The following SRGAP1 variants were observed in gnomAD, a reference collection of about 807,000 sequenced individuals.
The protein encoded by SRGAP1 is SLIT-ROBO Rho GTPase activating protein 1, also known as SLIT-ROBO Rho GTPase-activating protein 1.
Under a neutral mutation model 121.9 loss-of-function variants are expected in SRGAP1, and 43 were observed. The observed-to-expected ratio is 0.35, with a 90% CI of 0.28 to 0.46. The LOEUF is 0.46. Ranked by LOEUF, SRGAP1 falls within the 20% of genes least tolerant of loss-of-function variation. The probability of loss-of-function intolerance (pLI) is 1.00; values close to 1 mark genes in which losing one functional copy is unlikely to be tolerated. For synonymous variants in SRGAP1, 447 were observed against 485.4 expected (o/e 0.92, Z 1.04); for missense variants, 1,102 against 1,350.9 (o/e 0.82, Z 2.89).
intron 1 of SRGAP1, among the ~76,000 whole-genome samples, chr12:63,922,138 C>T (rs752913677): frequency 3.3e-5 from 5 of 152,014 alleles, no homozygotes; most frequent in African/African-American, 7.3e-5. Flanking sequence ...ACCACCACAC[C>T]GGGCTTATTT....
At chr12:63,940,772 T>G (rs1021204857) in intron 1 of SRGAP1, among the ~76,000 whole-genome samples, 10 of 152,204 alleles carry the variant, frequency 6.6e-5, no homozygotes, top group Admixed American at 4.6e-4. Flanking sequence ...TTATCATCGT[T>G]GGAGGCAACA....
chr12:63,883,203 AATG>A (rs1293049850), intron 1 of SRGAP1, among the ~76,000 whole-genome samples: 1 of 152,206 alleles, frequency 6.6e-6, no homozygotes, highest in Non-Finnish European at 1.5e-5. Context: ...CAGCAGGGCA[AATG>A]ATGGTGTGAT....
At chr12:64,021,675 C>T (rs1341105812) in intron 4 of SRGAP1, among the ~76,000 whole-genome samples, 1 of 152,104 alleles carries the variant, frequency 6.6e-6, no homozygotes, top group Non-Finnish European at 1.5e-5. Context: ...TTAATGCCTC[C>T]CCCACAACAC....
chr12:63,930,005 C>T (rs534002014), intron 1 of SRGAP1, among the ~76,000 whole-genome samples: 23 of 152,130 alleles, frequency 1.5e-4, no homozygotes, highest in African/African-American at 2.4e-4. Flanking sequence ...TACCATCTCA[C>T]GGCAGTCAGA....
At chr12:64,112,197 A>G (rs1337918851) in intron 17 of SRGAP1, among the ~76,000 whole-genome samples, 2 of 152,228 alleles carry the variant, frequency 1.3e-5, no homozygotes, top group Non-Finnish European at 2.9e-5. Context: ...TTATCTTTCA[A>G]ATAAATCTAC....
At chr12:64,004,827 C>T (rs1466522625) in intron 3 of SRGAP1, among the ~76,000 whole-genome samples, 1 of 152,188 alleles carries the variant, frequency 6.6e-6, no homozygotes, top group Non-Finnish European at 1.5e-5. Flanking sequence ...AATTCTAAAG[C>T]AACCTAAGAA....
chr12:63,973,393 G>A (rs1050747576), intron 1 of SRGAP1, among the ~76,000 whole-genome samples: 2 of 152,128 alleles, frequency 1.3e-5, no homozygotes, highest in South Asian at 4.2e-4. Flanking sequence ...ACCTGAATGG[G>A]AATCCAAGTT....
rs149630465 is a variant in SRGAP1 at position 63,886,323 on chromosome 12, A to G, written c.67+41440A>G. Reference sequence around the variant, plus strand: ...GTGATCCACGCCCTTTGGCCTCTCAAGGTACTGGGATTAGAGGCATGAGCC... The same window carrying G: ...GTGATCCACGCCCTTTGGCCTCTCAGGGTACTGGGATTAGAGGCATGAGCC... On this transcript the variant is annotated intron_variant, in intron 1 of 21. Coordinates refer to ENST00000355086, the MANE Select transcript of SRGAP1 (RefSeq NM_020762.4). 2.4e-3 allele frequency among the ~76,000 whole-genome samples: 368 copies of G among 152,104 alleles called. 10 individuals carry two copies. Among genetic ancestry groups the G allele is most frequent in the African/African-American group, 8.4e-3 (346 of 41,400 alleles).
chr12:63,895,498 C>G (rs757422346), intron 1 of SRGAP1, among the ~76,000 whole-genome samples: 1 of 152,198 alleles, frequency 6.6e-6, no homozygotes, highest in Non-Finnish European at 1.5e-5. Flanking sequence ...ACATTGCCAT[C>G]ATCATAGAAA....
At chr12:64,122,053 C>T (rs562188107) in intron 18 of SRGAP1, among the ~76,000 whole-genome samples, 291 of 152,202 alleles carry the variant, frequency 1.9e-3, no homozygotes, top group Non-Finnish European at 3.0e-3. Flanking sequence ...CAGTGGGTAA[C>T]AGATCTAGGA....
intron 1 of SRGAP1, among the ~76,000 whole-genome samples, chr12:63,874,409 TAGCC>T (rs1196762455): frequency 6.6e-6 from 1 of 152,122 alleles, no homozygotes; most frequent in Non-Finnish European, 1.5e-5. Context: ...TTCACCATGT[TAGCC>T]AGGATGATCT....
chr12:63,848,529 C>G (rs1057454925), intron 1 of SRGAP1, among the ~76,000 whole-genome samples: 3 of 151,664 alleles, frequency 2.0e-5, no homozygotes, highest in Non-Finnish European at 4.4e-5. Context: ...AGTTGGAATT[C>G]TCTTCATCTT....
rs996252555 is a variant in SRGAP1 at position 64,148,676 on chromosome 12, T to G, written c.*6004T>G. On this transcript the variant is annotated 3_prime_UTR_variant, in exon 22 of 22. Transcript: ENST00000355086. ...GTAAAACAATGTAAGTTGTGCAAGA[T>G]TGAATATTGATAAGATATAAAGTTT... The G allele has an allele frequency of 1.3e-5, 2 of 152,186 alleles. No homozygotes were observed. The highest frequency in any genetic ancestry group is 4.8e-5 in the African/African-American group (2 of 41,434). 9.4% of individuals were successfully genotyped at this position (152,186 alleles called of 1,614,324 possible).
Position 64,142,835 on chromosome 12 carries a change from C to G in SRGAP1, c.*163C>G. 1.1e-6 allele frequency: 1 copy of G among 924,850 alleles called. No individual in the cohort carries two copies. Among genetic ancestry groups the G allele is most frequent in the African/African-American group, 1.7e-5 (1 of 59,688 alleles). 57.3% of individuals were successfully genotyped at this position (924,850 alleles called of 1,614,324 possible). ...TAATGTCTGAGACTAGCTAAATTAA[C>G]ACGGGCATTTGTATTTTGTAATTTT... On this transcript the variant is annotated 3_prime_UTR_variant, in exon 22 of 22. Coordinates refer to ENST00000355086, the MANE Select transcript of SRGAP1 (RefSeq NM_020762.4).
intron 1 of SRGAP1, among the ~76,000 whole-genome samples, chr12:63,884,996 A>C (rs1900328858): frequency 6.6e-6 from 1 of 152,116 alleles, no homozygotes; most frequent in Non-Finnish European, 1.5e-5. Context: ...CTGGGATTAC[A>C]GGCGTGAGCC....
At chr12:63,914,673 G>C (rs1268571026) in intron 1 of SRGAP1, among the ~76,000 whole-genome samples, 1 of 152,050 alleles carries the variant, frequency 6.6e-6, no homozygotes, top group African/African-American at 2.4e-5. Flanking sequence ...TTTGAATTTT[G>C]GTGTTTGTTT....
At chr12:64,107,943 T>C (rs957293842) in intron 15 of SRGAP1, among the ~76,000 whole-genome samples, 1 of 152,110 alleles carries the variant, frequency 6.6e-6, no homozygotes, top group Admixed American at 6.6e-5. Context: ...AACAGACTTG[T>C]GAAACAGACT....
chr12:63,891,983 C>CAAAAAAA (rs10716009), intron 1 of SRGAP1, among the ~76,000 whole-genome samples: 5 of 96,272 alleles, frequency 5.2e-5, no homozygotes, highest in Non-Finnish European at 8.5e-5. Context: ...AAGACTGTCT[C>CAAAAAAA]AAAAAAAAAA....
chr12:63,917,863 C>CT (rs2030859831), intron 1 of SRGAP1, among the ~76,000 whole-genome samples: 1 of 150,110 alleles, frequency 6.7e-6, no homozygotes, highest in Non-Finnish European at 1.5e-5. Context: ...GATGATGTGT[C>CT]TGTGTTGTTT....
Sources: gnomAD v4.1 joint callset for allele counts (sites outside exome capture counted in the v4.1 genomes callset) on GRCh38, gnomAD v4.1.1 for gene constraint, MANE v1.5 for transcripts, NCBI Gene and HGNC (gene_info 2026-07-23, HGNC 2026-07-21) for gene names.